The following CEP350 variants were observed in gnomAD, a reference collection of about 807,000 sequenced individuals.
The protein encoded by CEP350 is centrosome-associated protein 350.
In CEP350, 126 loss-of-function variants were observed where a neutral mutation model predicts 331.8. That is an observed-to-expected ratio of 0.38 (90% CI 0.33 to 0.44). The LOEUF (loss-of-function observed/expected upper bound fraction) is 0.44. CEP350 is among the 20% of genes least tolerant of loss of function. CEP350 has a pLI of 1.00. For missense variants in CEP350, 3,406 were observed against 3,634.6 expected, an observed-to-expected ratio of 0.94 and a Z score of 1.62; for synonymous variants, 1,200 against 1,259.5, an observed-to-expected ratio of 0.95 and a Z score of 1.00.
chr1:179,963,074 T>C (rs2148545868), intron 1 of CEP350, among the ~76,000 whole-genome samples: 1 of 152,274 alleles, frequency 6.6e-6, no homozygotes, highest in East Asian at 1.9e-4. Context: ...ATTCTGAGCA[T>C]TTTTTTCATA....
chr1:180,103,561 A>G (rs567085648), intron 37 of CEP350, among the ~76,000 whole-genome samples: 210 of 152,052 alleles, frequency 1.4e-3, no homozygotes, highest in Non-Finnish European at 2.3e-3. Context: ...TCTGTTTTCC[A>G]TTTAAGATTG....
At chr1:180,017,292 G>A (rs1655037332) in intron 11 of CEP350, among the ~76,000 whole-genome samples, 1 of 152,078 alleles carries the variant, frequency 6.6e-6, no homozygotes, top group Non-Finnish European at 1.5e-5. Flanking sequence ...TTTGCTTAAG[G>A]TTCTAAATAC....
chr1:179,981,104 G>A (rs1652243423), intron 1 of CEP350, among the ~76,000 whole-genome samples: 1 of 152,222 alleles, frequency 6.6e-6, no homozygotes, highest in Admixed American at 6.5e-5. Context: ...TCCATTGACA[G>A]CATAACCATG....
At chr1:179,999,039 A>G (rs965287156) in intron 6 of CEP350, among the ~76,000 whole-genome samples, 5 of 152,134 alleles carry the variant, frequency 3.3e-5, no homozygotes, top group South Asian at 4.1e-4. Context: ...GCACATAGCA[A>G]ATGGCGAGGT....
intron 7 of CEP350, 45 bp downstream of exon 7, chr1:180,003,332 G>A (rs770846306): frequency 1.7e-6 from 2 of 1,195,522 alleles, no homozygotes; most frequent in Non-Finnish European, 1.2e-6. Flanking sequence ...TGTCATACAT[G>A]CTATCTAATT....
chr1:180,071,294 C>T (rs1658874838), intron 27 of CEP350, among the ~76,000 whole-genome samples: 1 of 148,182 alleles, frequency 6.7e-6, no homozygotes, highest in African/African-American at 2.5e-5. Flanking sequence ...CCCATCTCTA[C>T]TAAAAATCCA....
chr1:180,058,259 C>T (rs556127499), intron 25 of CEP350, among the ~76,000 whole-genome samples: 1 of 152,162 alleles, frequency 6.6e-6, no homozygotes, highest in Non-Finnish European at 1.5e-5. Flanking sequence ...TAGATATCAA[C>T]ACTGTCTGTA....
intron 37 of CEP350, among the ~76,000 whole-genome samples, chr1:180,102,635 AG>A (rs1660892109): frequency 6.6e-6 from 1 of 152,254 alleles, no homozygotes; most frequent in Non-Finnish European, 1.5e-5. Flanking sequence ...AAAATAATAT[AG>A]GTGCATTGTT....
chr1:179,989,759 A>G lies in CEP350; in HGVS notation c.121-748A>G, dbSNP rs151133686. 4.0e-3 allele frequency among the ~76,000 whole-genome samples: 609 copies of G among 152,288 alleles called. 5 individuals carry two copies. Among genetic ancestry groups the G allele is most frequent in the African/African-American group, 0.014 (574 of 41,556 alleles). On this transcript the variant is annotated intron_variant, in intron 3 of 37. Transcript: ENST00000367607. ...TTGTCTTTATTGTGAAACTTATTTT[A>G]TAGACATAAAACTGTAAAACACTGT...
At chr1:179,970,857 G>A (rs1189824787) in intron 1 of CEP350, among the ~76,000 whole-genome samples, 1 of 152,062 alleles carries the variant, frequency 6.6e-6, no homozygotes, top group Non-Finnish European at 1.5e-5. Flanking sequence ...CAGATGTTTT[G>A]GTATAAGACT....
Position 180,080,611 on chromosome 1 carries a change from A to T in CEP350, c.6074A>T (p.His2025Leu). 2 of 1,613,940 alleles carry T rather than the reference A, an allele frequency of 1.2e-6. No individual in the cohort carries two copies. The change falls in exon 30 of 38, where the codon CAT becomes CTT. Residue 2025 changes from histidine (H) to leucine (L), a missense_variant. This residue lies in a region of CEP350 where 1,415 missense variants were observed against 1,512.3 expected (regional missense o/e 0.94). Transcript: ENST00000367607. ...CAATGTCACCTGCCTATCAAGTCCC[A>T]TCAGCACTGTTATAGTTGGTCAGAT... ...GGQCHLPIKS[H>L]QHCYSWSDES...
chr1:180,096,213 T>G, intron 36 of CEP350, 29 bp downstream of exon 36: 2 of 1,523,144 alleles, frequency 1.3e-6, no homozygotes, highest in South Asian at 2.5e-5. Flanking sequence ...AGTGTCTTCT[T>G]TTTTGACTTG....
At chr1:180,031,864 A>T (rs186603277) in intron 15 of CEP350, among the ~76,000 whole-genome samples, 1 of 152,126 alleles carries the variant, frequency 6.6e-6, no homozygotes, top group Admixed American at 6.6e-5. Context: ...TTCTAAGTGC[A>T]TAACTCTACT....
At chr1:180,100,327 A>G (rs1375126958) in intron 37 of CEP350, among the ~76,000 whole-genome samples, 1 of 152,244 alleles carries the variant, frequency 6.6e-6, no homozygotes, top group Admixed American at 6.5e-5. Flanking sequence ...ATAGATCTTC[A>G]CATCTCAAGA....
rs146505621 is a variant in CEP350, at chr1:180,040,873, T to C, written c.4111-265T>C. On this transcript the variant is annotated intron_variant, in intron 17 of 37. Coordinates refer to ENST00000367607, the MANE Select transcript of CEP350 (RefSeq NM_014810.5). ...GTTGGGTGCTATAGCCTTTGCTTTC[T>C]AAATGGCTTTTTGGTATTAATTCTT... is the stretch of plus-strand genomic sequence containing the variant. Among the ~76,000 whole-genome samples, 111 of 152,342 alleles carry C rather than the reference T, an allele frequency of 7.3e-4. No individual in the cohort carries two copies. In the Middle Eastern group the frequency reaches 0.027, roughly 37 times the overall value.
At chr1:180,061,587 A>G (rs1658233464) in intron 25 of CEP350, among the ~76,000 whole-genome samples, 1 of 152,266 alleles carries the variant, frequency 6.6e-6, no homozygotes, top group African/African-American at 2.4e-5. Context: ...TCTTCTGCCC[A>G]CATAGCAACT....
At chr1:180,061,339 G>A (rs1246731008) in intron 25 of CEP350, among the ~76,000 whole-genome samples, 1 of 152,054 alleles carries the variant, frequency 6.6e-6, no homozygotes, top group Non-Finnish European at 1.5e-5. Context: ...TGGGACCACA[G>A]GTGAGTGCCA....
intron 11 of CEP350, among the ~76,000 whole-genome samples, chr1:180,016,660 G>GTTTT (rs10660202): frequency 2.0e-4 from 26 of 128,250 alleles, no homozygotes; most frequent in South Asian, 2.4e-4. Flanking sequence ...TTTGGGTTAT[G>GTTTT]TTTTTTTTTT....
chr1:179,991,355 C>T (rs1653049951), intron 4 of CEP350, among the ~76,000 whole-genome samples: 1 of 130,100 alleles, frequency 7.7e-6, no homozygotes, highest in Non-Finnish European at 1.6e-5. Context: ...CTCACTCTGT[C>T]GCCCAGGCTG....
Sources: allele counts gnomAD v4.1 joint callset (sites outside exome capture counted in the v4.1 genomes callset), GRCh38; gene constraint gnomAD v4.1.1; regional missense constraint gnomAD v4.1.1; transcripts MANE v1.5; gene names NCBI Gene and HGNC (gene_info 2026-07-23, HGNC 2026-07-21).